SYNPR: variants seen among roughly 807,000 people sequenced by gnomAD.
SYNPR encodes the protein synaptoporin.
Under a neutral mutation model 32.9 loss-of-function variants are expected in SYNPR, and 23 were observed. That is an observed-to-expected ratio of 0.70 (90% CI 0.50 to 0.99). The LOEUF (loss-of-function observed/expected upper bound fraction) is 0.99. Ranked by LOEUF, SYNPR falls within the 50% of genes least tolerant of loss-of-function variation. The pLI is 0.00. For synonymous variants in SYNPR, 146 were observed against 135.9 expected (o/e 1.07, Z -0.52); for missense variants, 318 against 349.3 (o/e 0.91, Z 0.71).
intron 2 of SYNPR, among the ~76,000 whole-genome samples, chr3:63,348,315 T>C (rs1335569909): frequency 1.3e-5 from 2 of 152,182 alleles, no homozygotes; most frequent in Admixed American, 6.5e-5. Context: ...TTGTTGACCA[T>C]TTACATGTCT....
intron 2 of SYNPR, among the ~76,000 whole-genome samples, chr3:63,421,369 G>A: frequency 6.7e-6 from 1 of 149,892 alleles, no homozygotes; most frequent in African/African-American, 2.5e-5. Flanking sequence ...TTAATTAAAA[G>A]ATAAATATAT....
At position 63,314,169 on chromosome 3, in the gene SYNPR, G is replaced by C. The variant is rs906349252; in HGVS notation, c.84+35427G>C. Among the ~76,000 whole-genome samples, 3 of 147,432 alleles carry C rather than the reference G, an allele frequency of 2.0e-5. No homozygotes were observed. In the East Asian group the frequency reaches 6.0e-4, roughly 30 times the overall value. ...TCCCACGATTTTGCTATTGTGAATT[G>C]TGCCACTATAAACATGCTTGTGCAA... On this transcript the variant is annotated intron_variant, in intron 2 of 5. Transcript: ENST00000478300.
At chr3:63,233,989 G>A (rs1324964042) in intron 1 of SYNPR, among the ~76,000 whole-genome samples, 2 of 152,206 alleles carry the variant, frequency 1.3e-5, no homozygotes, top group Non-Finnish European at 2.9e-5. Flanking sequence ...ACAAGAGCCT[G>A]TTCTGGAGCA....
At chr3:63,358,067 C>T (rs1399634576) in intron 2 of SYNPR, among the ~76,000 whole-genome samples, 1 of 152,198 alleles carries the variant, frequency 6.6e-6, no homozygotes, top group African/African-American at 2.4e-5. Flanking sequence ...TAGGGTGCCA[C>T]ATTCAATGGT....
intron 2 of SYNPR, among the ~76,000 whole-genome samples, chr3:63,405,342 T>C (rs2088345332): frequency 6.6e-6 from 1 of 152,150 alleles, no homozygotes; most frequent in Non-Finnish European, 1.5e-5. Context: ...GGAAACCTTC[T>C]CCAAAGAAAT....
chr3:63,337,327 C>A (rs1011870687), intron 2 of SYNPR, among the ~76,000 whole-genome samples: 2 of 151,274 alleles, frequency 1.3e-5, no homozygotes, highest in African/African-American at 4.9e-5. Context: ...ACCTATTTAC[C>A]TATTAGAATG....
At chr3:63,248,527 T>C (rs2086307884) in intron 1 of SYNPR, among the ~76,000 whole-genome samples, 1 of 152,132 alleles carries the variant, frequency 6.6e-6, no homozygotes, top group African/African-American at 2.4e-5. Context: ...AAATCAGATA[T>C]TTTAGATGCT....
chr3:63,545,220 CATGTTGGACAAA>C (rs1702379391), intron 3 of SYNPR, among the ~76,000 whole-genome samples: 2 of 151,990 alleles, frequency 1.3e-5, no homozygotes, highest in South Asian at 4.2e-4. Flanking sequence ...CTGGTTTTAT[CATGTTGGACAAA>C]ATGTAAAATA....
At chr3:63,252,669 A>C (rs531079368) in intron 2 of SYNPR, 1 of 152,286 alleles carries the variant, frequency 6.6e-6, no homozygotes, top group African/African-American at 2.4e-5. Context: ...CTGCGTTTTC[A>C]TACCCCCTAG....
intron 4 of SYNPR, among the ~76,000 whole-genome samples, chr3:63,572,750 C>G (rs1702911213): frequency 6.6e-6 from 1 of 152,158 alleles, no homozygotes; most frequent in South Asian, 2.1e-4. Flanking sequence ...CGATTTCACT[C>G]CAGGAACTGT....
intron 2 of SYNPR, among the ~76,000 whole-genome samples, chr3:63,256,646 C>G (rs545132357): frequency 6.6e-6 from 1 of 152,284 alleles, no homozygotes; most frequent in Non-Finnish European, 1.5e-5. Flanking sequence ...ATTGGAAACT[C>G]TAAAAATCAG....
intron 2 of SYNPR, among the ~76,000 whole-genome samples, chr3:63,413,000 C>T (rs2088487718): frequency 6.6e-6 from 1 of 152,064 alleles, no homozygotes; most frequent in Non-Finnish European, 1.5e-5. Flanking sequence ...TTTATTGGTG[C>T]CTTCAGGGTT....
intron 5 of SYNPR, among the ~76,000 whole-genome samples, chr3:63,614,704 A>G (rs999736628): frequency 5.9e-5 from 9 of 152,250 alleles, no homozygotes; most frequent in African/African-American, 1.9e-4. Flanking sequence ...CAAATGGAAA[A>G]GCAAAAGCAG....
intron 2 of SYNPR, among the ~76,000 whole-genome samples, chr3:63,427,146 T>TAAA (rs36040199): frequency 7.1e-6 from 1 of 140,340 alleles, no homozygotes; most frequent in Non-Finnish European, 1.5e-5. Context: ...TCTTTATCTT[T>TAAA]AAAAAAAAAA....
intron 3 of SYNPR, among the ~76,000 whole-genome samples, chr3:63,515,658 G>T (rs886853802): frequency 8.5e-5 from 13 of 152,072 alleles, no homozygotes; most frequent in African/African-American, 3.1e-4. Flanking sequence ...CATGTGTATT[G>T]TAAATGATCT....
intron 2 of SYNPR, among the ~76,000 whole-genome samples, chr3:63,334,515 A>AGTGTGTGTGTGT (rs138498529): frequency 2.5e-4 from 38 of 149,402 alleles, no homozygotes; most frequent in South Asian, 1.1e-3. Context: ...GTCTCAATGA[A>AGTGTGTGTGTGT]GTGTGTGTGT....
At chr3:63,555,522 T>C (rs1702581373) in intron 3 of SYNPR, among the ~76,000 whole-genome samples, 1 of 152,150 alleles carries the variant, frequency 6.6e-6, no homozygotes, top group Non-Finnish European at 1.5e-5. Flanking sequence ...ATAACACATC[T>C]TCCTTAGGTG....
intron 1 of SYNPR, among the ~76,000 whole-genome samples, chr3:63,243,056 A>T (rs146848744): frequency 1.3e-5 from 2 of 152,210 alleles, no homozygotes; most frequent in African/African-American, 4.8e-5. Context: ...AAAGCAAGGG[A>T]AGTTAAGGCA....
intron 2 of SYNPR, among the ~76,000 whole-genome samples, chr3:63,316,403 A>G (rs1036943963): frequency 6.6e-6 from 1 of 151,796 alleles, no homozygotes; most frequent in African/African-American, 2.4e-5. Context: ...TTACCATTTC[A>G]ATTTAAATGC....
Sources: gnomAD v4.1 joint callset for allele counts (sites outside exome capture counted in the v4.1 genomes callset) on GRCh38, gnomAD v4.1.1 for gene constraint, MANE v1.5 for transcripts, NCBI Gene and HGNC (gene_info 2026-07-23, HGNC 2026-07-21) for gene names.